The following CDS2 variants were observed in gnomAD, a reference collection of about 807,000 sequenced individuals.
CDS2 encodes the protein CDP-diacylglycerol synthase 2.
Under a neutral mutation model 59.0 loss-of-function variants are expected in CDS2, and 47 were observed. The ratio of observed to expected loss-of-function variants is 0.80; its 90% confidence interval spans 0.63 to 1.02. CDS2 has a LOEUF of 1.02. Among genes scored for constraint, CDS2 ranks in the 50% least tolerant of loss-of-function variants. The pLI, the probability that CDS2 is intolerant of heterozygous loss-of-function variation, is 0.00. For missense variants in CDS2, 356 were observed against 558.9 expected (o/e 0.64, Z 3.66); for synonymous variants, 207 against 206.4 (o/e 1.00, Z -0.02).
chr20:5,173,726 G>A (rs970808967), intron 2 of CDS2, 67 bp downstream of exon 2: 1 of 1,589,222 alleles, frequency 6.3e-7, no homozygotes. Flanking sequence ...CCCTGGAAGA[G>A]CCTGCAGAGA....
intron 1 of CDS2, among the ~76,000 whole-genome samples, chr20:5,127,839 A>C (rs1460968105): frequency 6.6e-6 from 1 of 151,984 alleles, no homozygotes. Flanking sequence ...CCTTTGGGTG[A>C]AGTGAAAGAT....
rs2091150113 is a variant in CDS2 at position 5,195,462 on chromosome 20, C to T, written c.*5228C>T. 6.6e-6 allele frequency: 1 copy of T among 152,304 alleles called. No individual in the cohort carries two copies. The highest frequency in any genetic ancestry group is 2.4e-5 in the African/African-American group (1 of 41,436). 9.4% of individuals were successfully genotyped at this position (152,304 alleles called of 1,614,324 possible). A position where few individuals can be genotyped will look rare whatever the true frequency, so the allele number is the denominator to read the frequency against. On this transcript the variant is annotated 3_prime_UTR_variant, in exon 13 of 13. Coordinates refer to ENST00000460006, the MANE Select transcript of CDS2 (RefSeq NM_003818.4). ...GAATGGCTGGCCTGAGAATCCAGCT[C>T]ACCTCCTCTGCCCACAGTCTGGACT...
At chr20:5,171,961 G>A (rs746028831) in intron 1 of CDS2, among the ~76,000 whole-genome samples, 13 of 152,202 alleles carry the variant, frequency 8.5e-5, no homozygotes, top group South Asian at 2.1e-4. Flanking sequence ...TGCACTAGGC[G>A]AGGCCCTCTG....
At chr20:5,178,763 C>T (rs2091012131) in intron 4 of CDS2, 54 bp from the exon 5 acceptor site, 1 of 1,604,238 alleles carries the variant, frequency 6.2e-7, no homozygotes, top group South Asian at 1.1e-5. Flanking sequence ...GTCTGACTGC[C>T]TTGCTGTGAA....
intron 1 of CDS2, among the ~76,000 whole-genome samples, chr20:5,170,507 CAGG>C (rs930688346): frequency 5.3e-5 from 8 of 152,260 alleles, no homozygotes; most frequent in African/African-American, 1.9e-4. Flanking sequence ...CACAGGACAT[CAGG>C]AGCCAGGTGG....
intron 1 of CDS2, among the ~76,000 whole-genome samples, chr20:5,151,661 A>C (rs2090790500): frequency 6.9e-6 from 1 of 145,046 alleles, no homozygotes; most frequent in Non-Finnish European, 1.5e-5. Flanking sequence ...TTGGTCTCGA[A>C]CTCCTGCCTC....
rs764702330 is a variant in CDS2, at chr20:5,189,821, C to G, written c.1188C>G (p.Tyr396Ter). 6.2e-7 allele frequency: 1 copy of G among 1,613,482 alleles called. No individual in the cohort carries two copies. The highest frequency in any genetic ancestry group is 8.5e-7 in the Non-Finnish European group (1 of 1,179,370). Residue 396 changes from tyrosine to a stop codon, truncating the protein, a stop_gained, in exon 12 of 13, where the codon TAC (tyrosine) becomes TAG (stop). Transcript: ENST00000460006. LOFTEE classifies it high-confidence loss of function. ...QYLMATFVNV[Y>*]IASFIRGPNP... is the part of the protein sequence containing the mutation. ...TGATGGCCACCTTTGTCAATGTATA[C>G]ATCGCCAGTTTTATCAGGTATAGTA...
chr20:5,130,697 C>T (rs533114712), intron 1 of CDS2, among the ~76,000 whole-genome samples: 1 of 150,202 alleles, frequency 6.7e-6, no homozygotes, highest in Non-Finnish European at 1.5e-5. Flanking sequence ...GCAGGAGAAT[C>T]GCTTGAACTT....
chr20:5,176,839 T>G, intron 4 of CDS2, 94 bp downstream of exon 4: 1 of 858,408 alleles, frequency 1.2e-6, no homozygotes, highest in Non-Finnish European at 2.0e-6. Flanking sequence ...TATCACTTGC[T>G]ATAGAGATAA....
Position 5,127,032 on chromosome 20 carries a change from A to T in CDS2, c.-61A>T. 6.9e-7 allele frequency: 1 copy of T among 1,451,360 alleles called. No homozygotes were observed. Among genetic ancestry groups the T allele is most frequent in the South Asian group, 1.3e-5 (1 of 75,842 alleles). The allele number at this position is 1,451,360 out of a possible 1,614,324, so 89.9% of individuals were successfully genotyped here. ...TGGGAGTCCGCGCGTGCCCGCGCCG[A>T]GCTGCCTGCTCCGGCGGCTTCGCTG... On this transcript the variant is annotated 5_prime_UTR_variant, in exon 1 of 13. Transcript: ENST00000460006.
chr20:5,127,171 G>A, intron 1 of CDS2, 22 bp downstream of exon 1: 1 of 1,480,556 alleles, frequency 6.8e-7, no homozygotes, highest in Non-Finnish European at 9.0e-7. Flanking sequence ...GTCGGGGTGG[G>A]CGCGGCCGGG....
intron 1 of CDS2, 38 bp downstream of exon 1, chr20:5,127,187 G>A: frequency 2.7e-6 from 4 of 1,458,872 alleles, no homozygotes; most frequent in Admixed American, 2.5e-5. Flanking sequence ...CCGGGACAGC[G>A]GCGCATCCGG....
At chr20:5,139,182 A>G (rs1440148488) in intron 1 of CDS2, among the ~76,000 whole-genome samples, 1 of 152,172 alleles carries the variant, frequency 6.6e-6, no homozygotes, top group Non-Finnish European at 1.5e-5. Context: ...TCTTTGCTAA[A>G]AGTACAAAAA....
chr20:5,165,348 G>A (rs1441853637), intron 1 of CDS2, among the ~76,000 whole-genome samples: 2 of 152,114 alleles, frequency 1.3e-5, no homozygotes, highest in African/African-American at 2.4e-5. Context: ...GTCAGCCTAC[G>A]CGACATGTAG....
intron 4 of CDS2, among the ~76,000 whole-genome samples, chr20:5,177,552 A>G (rs2091003535): frequency 6.6e-6 from 1 of 152,212 alleles, no homozygotes; most frequent in Non-Finnish European, 1.5e-5. Context: ...TGGCCGTAGT[A>G]TTCTCAGGTG....
intron 1 of CDS2, among the ~76,000 whole-genome samples, chr20:5,170,982 G>A (rs761801873): frequency 6.6e-5 from 10 of 152,204 alleles, no homozygotes; most frequent in Non-Finnish European, 1.2e-4. Context: ...TAAATTCCTC[G>A]ACACATACTT....
Position 5,190,367 on chromosome 20 carries a change from T to A in CDS2, c.*133T>A. 2 of 860,184 alleles carry A rather than the reference T, an allele frequency of 2.3e-6. No individual in the cohort carries two copies. The highest frequency in any genetic ancestry group is 3.5e-6 in the Non-Finnish European group (2 of 578,454). The allele number at this position is 860,184 out of a possible 1,614,324, so 53.3% of individuals were successfully genotyped here. ...TTTTTTTTTTTTTTTTGGAGGGTAT[T>A]TTTTATTTGTGGGTTCAAAAAATCT... On this transcript the variant is annotated 3_prime_UTR_variant, in exon 13 of 13. Coordinates refer to ENST00000460006, the MANE Select transcript of CDS2 (RefSeq NM_003818.4).
chr20:5,185,035 C>A (rs1268280825), intron 8 of CDS2, 90 bp downstream of exon 8: 88 of 961,432 alleles, frequency 9.2e-5, no homozygotes, highest in Admixed American at 3.8e-4. Flanking sequence ...CAGAAGAAAT[C>A]TAGCTGTGTT....
intron 2 of CDS2, among the ~76,000 whole-genome samples, chr20:5,174,285 G>A (rs1211704434): frequency 6.6e-6 from 1 of 152,170 alleles, no homozygotes; most frequent in Admixed American, 6.5e-5. Flanking sequence ...TCTGAATTGT[G>A]CAGTGGTTAA....
Sources: gnomAD v4.1 joint callset for allele counts (sites outside exome capture counted in the v4.1 genomes callset) on GRCh38, gnomAD v4.1.1 for gene constraint, MANE v1.5 for transcripts, NCBI Gene and HGNC (gene_info 2026-07-23, HGNC 2026-07-21) for gene names.